The following TTYH2 variants were observed in gnomAD, a reference collection of about 807,000 sequenced individuals.
TTYH2 encodes the protein tweety family member 2.
In TTYH2, 49 loss-of-function variants were observed where a neutral mutation model predicts 68.3. The observed-to-expected ratio is 0.72, with a 90% CI of 0.57 to 0.91. TTYH2 has a LOEUF of 0.91. Among genes scored for constraint, TTYH2 ranks in the 40% least tolerant of loss-of-function variants. The pLI is 0.00. For missense variants in TTYH2, 631 were observed against 700.4 expected (o/e 0.90, Z 1.12); for synonymous variants, 272 against 300.8 (o/e 0.90, Z 0.99).
intron 2 of TTYH2, among the ~76,000 whole-genome samples, chr17:74,230,157 G>C (rs991326586): frequency 6.6e-6 from 1 of 151,968 alleles, no homozygotes; most frequent in Non-Finnish European, 1.5e-5. Context: ...AAATAAAGGG[G>C]TTAGAGGGGA....
intron 9 of TTYH2, 100 bp from the exon 10 acceptor site, chr17:74,250,157 GCTCCCTCC>G: frequency 6.9e-7 from 1 of 1,457,490 alleles, no homozygotes; most frequent in East Asian, 2.4e-5. Flanking sequence ...CCGTGACTCG[GCTCCCTCC>G]CTTGGCTCTA....
intron 13 of TTYH2, among the ~76,000 whole-genome samples, chr17:74,259,795 T>C (rs2050729583): frequency 6.6e-6 from 1 of 152,124 alleles, no homozygotes; most frequent in Non-Finnish European, 1.5e-5. Flanking sequence ...TGAACCTGCT[T>C]CTCTGAGTCT....
intron 13 of TTYH2, among the ~76,000 whole-genome samples, chr17:74,254,641 T>C (rs1410752740): frequency 1.3e-5 from 2 of 152,192 alleles, no homozygotes; most frequent in Non-Finnish European, 2.9e-5. Flanking sequence ...AAACCATACC[T>C]GGATTGTAAC....
rs114484988 is a variant in TTYH2, at chr17:74,252,146, C to G, written c.1117-88C>G. The G allele has an allele frequency of 1.1e-3, 1,751 of 1,557,218 alleles. 16 individuals are homozygous for G. The African/African-American group carries it at 0.021, about 19-fold the overall frequency. On this transcript the variant is annotated intron_variant, in intron 10 of 13. Transcript: ENST00000269346. ...AGCCAGGAGACCCCAGGTCCAGGCT[C>G]GGGGGAGAGGGACTTCCAGAGGAGA...
intron 6 of TTYH2, 184 bp from the exon 7 acceptor site, chr17:74,248,827 T>C: frequency 2.8e-6 from 4 of 1,430,606 alleles, no homozygotes; most frequent in Non-Finnish European, 3.7e-6. Context: ...AAGTAACTTG[T>C]CCAAGGCAAC....
chr17:74,249,510 G>A (rs2050596430), intron 8 of TTYH2, 111 bp downstream of exon 8: 4 of 1,194,402 alleles, frequency 3.3e-6, no homozygotes, highest in Non-Finnish European at 1.2e-6. Context: ...TTGCCTCACT[G>A]TGGTCCTCTC....
chr17:74,253,779 G>C lies in TTYH2; in HGVS notation c.1470G>C (p.Arg490Ser), dbSNP rs780100468. The C allele has an allele frequency of 6.2e-7, 1 of 1,614,154 alleles. No individual in the cohort carries two copies. The highest frequency in any genetic ancestry group is 2.2e-5 in the East Asian group (1 of 44,872). ...GGAACCAAGCCATGCTCTTTGGTAGGAACCCACGCTACGAGAACGTGCCAC... is the reference window on the plus strand; with the variant it reads ...GGAACCAAGCCATGCTCTTTGGTAGCAACCCACGCTACGAGAACGTGCCAC... ...EYMNQAMLFG[R>S]NPRYENVPLI... The change falls in exon 13 of 14, where the codon AGG becomes AGC. Residue 490 changes from arginine (R) to serine (S), a missense_variant. By Grantham distance (110) the Arg-to-Ser change is moderately radical. Transcript: ENST00000269346.
chr17:74,213,722 T>C lies in TTYH2; in HGVS notation c.129+6T>C, dbSNP rs1267134055. On this transcript the variant is annotated splice_donor_region_variant and intron_variant, in intron 1 of 13. Transcript: ENST00000269346. This position sits in a 1 kb window ranked among gnomAD's most constrained non-coding sequence, Gnocchi z 6.1. Reference sequence around the variant, plus strand: ...GCGACGAGAGTTACCAGGAGGTAAGTTTACGCCGCCCCAGACCGCAGCCAC... The same window carrying C: ...GCGACGAGAGTTACCAGGAGGTAAGCTTACGCCGCCCCAGACCGCAGCCAC... 6.2e-7 allele frequency: 1 copy of C among 1,607,444 alleles called. No homozygotes were observed. Among genetic ancestry groups the C allele is most frequent in the Non-Finnish European group, 8.5e-7 (1 of 1,177,086 alleles).
At position 74,215,845 on chromosome 17, in the gene TTYH2, C is replaced by A; in HGVS notation, c.129+2129C>A. ...AAGCTTGACTGGAGCAAGTGCTATG[C>A]CAGGCGTGGGGTGACCGTGGTAACC... is the stretch of plus-strand genomic sequence containing the variant. On this transcript the variant is annotated intron_variant, in intron 1 of 13. Transcript: ENST00000269346. The surrounding 1 kb of genome is among the most constrained non-coding windows in gnomAD (Gnocchi z 4.3). The A allele has an allele frequency of 1.1e-6, 1 of 898,172 alleles. No individual in the cohort carries two copies. The highest frequency in any genetic ancestry group is 1.5e-5 in the South Asian group (1 of 64,576). The allele number at this position is 898,172 out of a possible 1,614,324, so 55.6% of individuals were successfully genotyped here.
Position 74,249,046 on chromosome 17 carries a change from C to G in TTYH2, c.840C>G (p.Phe280Leu). The G allele has an allele frequency of 1.9e-6, 3 of 1,614,212 alleles. No individual in the cohort carries two copies. Among genetic ancestry groups the G allele is most frequent in the Non-Finnish European group, 2.5e-6 (3 of 1,180,034 alleles). ...ACTTCTGTGTGGCTCCTGACACCTT[C>G]ATCCTGAACGTCACGGAGGGCCAGA... ...TSDFCVAPDTFILNVTEGQIS... is the reference protein window; with the variant it reads ...TSDFCVAPDTLILNVTEGQIS... Residue 280 changes from phenylalanine (F) to leucine (L), a missense_variant, in exon 7 of 14, where the codon TTC (phenylalanine) becomes TTG (leucine). By Grantham distance (22) the Phe-to-Leu change is conservative. Coordinates refer to ENST00000269346, the MANE Select transcript of TTYH2 (RefSeq NM_032646.6).
rs76408626 is a variant in TTYH2 at position 74,217,287 on chromosome 17, T to C, written c.129+3571T>C. On this transcript the variant is annotated intron_variant, in intron 1 of 13. Transcript: ENST00000269346. The surrounding 1 kb of genome is among the most constrained non-coding windows in gnomAD (Gnocchi z 4.0). Reference sequence around the variant, plus strand: ...CCAGGATCAGCCGACCAGCTGCTCTTTGGGGACATGTGTTAGGAGGCAGAG... The same window carrying C: ...CCAGGATCAGCCGACCAGCTGCTCTCTGGGGACATGTGTTAGGAGGCAGAG... 0.026 allele frequency among the ~76,000 whole-genome samples: 3,934 copies of C among 152,338 alleles called. 170 individuals carry two copies. Among genetic ancestry groups the C allele is most frequent in the African/African-American group, 0.086 (3,576 of 41,564 alleles).
chr17:74,235,593 G>A (rs2050434910), intron 3 of TTYH2, among the ~76,000 whole-genome samples: 2 of 152,198 alleles, frequency 1.3e-5, no homozygotes, highest in Non-Finnish European at 2.9e-5. Context: ...TGGACCATTA[G>A]AAATGGATGC....
At chr17:74,224,146 A>T (rs1361713109) in intron 2 of TTYH2, among the ~76,000 whole-genome samples, 1 of 152,226 alleles carries the variant, frequency 6.6e-6, no homozygotes, top group Non-Finnish European at 1.5e-5. Context: ...GCGGTGACTC[A>T]TGCCTGTAAT....
Position 74,253,021 on chromosome 17 carries a change from T to C in TTYH2, c.1260-60T>C, listed in dbSNP as rs2050651453. ...AAAGGCAGGGAAGTAGGACAGGACC[T>C]GGCTGCCTCGGAGCCTCCTTCACCC... is the stretch of plus-strand genomic sequence containing the variant. On this transcript the variant is annotated intron_variant, in intron 11 of 13. Transcript: ENST00000269346. 2.5e-6 allele frequency: 4 copies of C among 1,578,092 alleles called. No individual in the cohort carries two copies. In the East Asian group the frequency reaches 9.0e-5, roughly 35 times the overall value.
chr17:74,234,766 GC>G (rs1360389108), intron 3 of TTYH2, among the ~76,000 whole-genome samples: 1 of 152,160 alleles, frequency 6.6e-6, no homozygotes, highest in African/African-American at 2.4e-5. Flanking sequence ...TTTTTTAACA[GC>G]CCTTTACTCT....
intron 6 of TTYH2, among the ~76,000 whole-genome samples, chr17:74,245,308 T>C (rs1208755433): frequency 1.3e-5 from 2 of 152,270 alleles, no homozygotes; most frequent in Non-Finnish European, 2.9e-5. Flanking sequence ...CTGGGACGGC[T>C]GTAAACAGTG....
Position 74,237,300 on chromosome 17 carries a change from G to A in TTYH2, c.421G>A (p.Gly141Arg), listed in dbSNP as rs574656572. ...TFSGIDALVS[G>R]TTQKMKVDLE... Reference sequence around the variant, plus strand: ...GCCCCCTGCTCCTCCCTAGGTTTCCGGAACTACCCAGAAGATGAAGGTGGA... The same window carrying A: ...GCCCCCTGCTCCTCCCTAGGTTTCCAGAACTACCCAGAAGATGAAGGTGGA... The change falls in exon 4 of 14, where the codon GGA becomes AGA. Residue 141 changes from glycine (G) to arginine (R), a missense_variant. Physicochemically the swap from Gly to Arg is moderately radical, Grantham distance 125 (BLOSUM62 -2). Coordinates refer to ENST00000269346, the MANE Select transcript of TTYH2 (RefSeq NM_032646.6). 23 of 1,614,004 alleles carry A rather than the reference G, an allele frequency of 1.4e-5. No individual in the cohort carries two copies. Among genetic ancestry groups the A allele is most frequent in the Middle Eastern group, 3.3e-4 (2 of 6,062 alleles).
chr17:74,244,078 GT>G (rs764457152), intron 6 of TTYH2, 29 bp downstream of exon 6: 1 of 1,601,840 alleles, frequency 6.2e-7, no homozygotes, highest in South Asian at 1.1e-5. Context: ...TGGGTGGTGG[GT>G]GGTGGTTGGT....
chr17:74,213,591 C>G lies in TTYH2; in HGVS notation c.4C>G (p.Gln2Glu). 6.2e-7 allele frequency: 1 copy of G among 1,610,032 alleles called. No homozygotes were observed. The highest frequency in any genetic ancestry group is 8.5e-7 in the Non-Finnish European group (1 of 1,178,716). The change falls in exon 1 of 14, where the codon CAG becomes GAG. Residue 2 changes from glutamine to glutamate, a missense_variant. Transcript: ENST00000269346. The surrounding 1 kb of genome is among the most constrained non-coding windows in gnomAD (Gnocchi z 6.1). MQAARVDYIAPW... is the reference protein window; with the variant it reads MEAARVDYIAPW... The stretch of plus-strand genomic sequence containing the variant: ...TGGGTAGCACTCGGGCCGAGCCATG[C>G]AGGCGGCGCGCGTGGACTACATCGC...
Sources: allele counts gnomAD v4.1 joint callset (sites outside exome capture counted in the v4.1 genomes callset), GRCh38; gene constraint gnomAD v4.1.1; non-coding constraint Gnocchi (gnomAD v3.1); transcripts MANE v1.5; gene names NCBI Gene and HGNC (gene_info 2026-07-23, HGNC 2026-07-21).